Variants in MACROD2 observed in about 807,000 individuals in gnomAD.
MACROD2 encodes the protein mono-ADP ribosylhydrolase 2.
In MACROD2, 36 loss-of-function variants were observed where a neutral mutation model predicts 70.4. That is an observed-to-expected ratio of 0.51 (90% CI 0.39 to 0.68). MACROD2 has a LOEUF of 0.68. MACROD2 is among the 30% of genes least tolerant of loss of function. MACROD2 has a pLI of 0.00. For missense variants in MACROD2, 496 were observed against 538.4 expected (o/e 0.92, Z 0.78); for synonymous variants, 172 against 178.8 (o/e 0.96, Z 0.30).
intron 8 of MACROD2, among the ~76,000 whole-genome samples, chr20:15,643,554 T>TTGTC (rs1356972422): frequency 1.3e-5 from 2 of 152,144 alleles, no homozygotes; most frequent in Non-Finnish European, 2.9e-5. Flanking sequence ...TATGGTTTGT[T>TTGTC]TGTGGTCTGA....
intron 3 of MACROD2, among the ~76,000 whole-genome samples, chr20:14,307,495 A>G (rs976555024): frequency 1.4e-4 from 21 of 152,272 alleles, no homozygotes; most frequent in African/African-American, 4.8e-4. Context: ...TTGAGAAACT[A>G]TTGCTTTGGG....
At chr20:15,800,479 A>G (rs1383926001) in intron 8 of MACROD2, among the ~76,000 whole-genome samples, 1 of 152,178 alleles carries the variant, frequency 6.6e-6, no homozygotes, top group Non-Finnish European at 1.5e-5. Context: ...ATAAAGGTCT[A>G]GTTTTATTCC....
chr20:14,046,088 T>C (rs1316238988), intron 2 of MACROD2, among the ~76,000 whole-genome samples: 2 of 152,194 alleles, frequency 1.3e-5, no homozygotes, highest in East Asian at 3.9e-4. Context: ...AATGAGAAAT[T>C]CCCAAAATTA....
At chr20:14,418,036 G>T (rs906991435) in intron 3 of MACROD2, among the ~76,000 whole-genome samples, 2 of 152,004 alleles carry the variant, frequency 1.3e-5, no homozygotes, top group Non-Finnish European at 2.9e-5. Context: ...ACTTGAGTCA[G>T]CCTCTTAACT....
chr20:15,470,843 A>C (rs2046955238), intron 7 of MACROD2, among the ~76,000 whole-genome samples: 1 of 152,066 alleles, frequency 6.6e-6, no homozygotes, highest in African/African-American at 2.4e-5. Flanking sequence ...TGTGATTCTG[A>C]ACATAGAACT....
chr20:14,350,082 G>A (rs930134540), intron 3 of MACROD2, among the ~76,000 whole-genome samples: 1 of 151,930 alleles, frequency 6.6e-6, no homozygotes, highest in Non-Finnish European at 1.5e-5. Context: ...TGGCTGCATA[G>A]TACTCCATTG....
chr20:14,473,659 A>T (rs537329800), intron 3 of MACROD2, among the ~76,000 whole-genome samples: 1 of 152,320 alleles, frequency 6.6e-6, no homozygotes, highest in Admixed American at 6.5e-5. Context: ...CTTTGGATAG[A>T]TACCTAGAAG....
At chr20:14,770,619 C>A (rs1159612583) in intron 5 of MACROD2, among the ~76,000 whole-genome samples, 1 of 152,002 alleles carries the variant, frequency 6.6e-6, no homozygotes, top group East Asian at 1.9e-4. Flanking sequence ...GTCTGTATCA[C>A]AAAATAATAG....
intron 5 of MACROD2, among the ~76,000 whole-genome samples, chr20:14,745,954 C>T (rs1288735622): frequency 1.3e-5 from 2 of 152,128 alleles, no homozygotes; most frequent in African/African-American, 4.8e-5. Flanking sequence ...GTATATTAAT[C>T]TCTAGGGCTC....
At chr20:15,187,205 G>A (rs895740757) in intron 5 of MACROD2, among the ~76,000 whole-genome samples, 47 of 152,140 alleles carry the variant, frequency 3.1e-4, no homozygotes, top group African/African-American at 1.1e-3. Flanking sequence ...TTTACTGACT[G>A]TGTGACTTTA....
At chr20:14,485,215 C>T (rs1382826531) in intron 3 of MACROD2, among the ~76,000 whole-genome samples, 2 of 152,072 alleles carry the variant, frequency 1.3e-5, no homozygotes, top group Non-Finnish European at 2.9e-5. Flanking sequence ...TTATCTCTAA[C>T]AGCAAAACTG....
rs527791759 is a variant in MACROD2 at position 14,616,747 on chromosome 20, C to T, written c.302-68096C>T. On this transcript the variant is annotated intron_variant, in intron 4 of 17. Transcript: ENST00000684519. ...CTGTCACAAAAATGAGATGGATGAA[C>T]TGATCATCCCATAATTTTTCATTAT... 3.3e-5 allele frequency among the ~76,000 whole-genome samples: 5 copies of T among 152,166 alleles called. No individual in the cohort carries two copies. The South Asian group carries it at 1.0e-3, about 32-fold the overall frequency.
At chr20:15,795,278 A>G (rs921783188) in intron 8 of MACROD2, among the ~76,000 whole-genome samples, 1 of 152,118 alleles carries the variant, frequency 6.6e-6, no homozygotes, top group African/African-American at 2.4e-5. Flanking sequence ...ACAGGTTACT[A>G]TAAGTCATAA....
intron 3 of MACROD2, among the ~76,000 whole-genome samples, chr20:14,409,791 T>C (rs1011209607): frequency 1.3e-5 from 2 of 152,108 alleles, no homozygotes; most frequent in Non-Finnish European, 2.9e-5. Context: ...GGAGAGCGCA[T>C]TGATACAAGA....
intron 8 of MACROD2, among the ~76,000 whole-genome samples, chr20:15,616,258 G>A (rs1181660170): frequency 6.6e-6 from 1 of 151,540 alleles, no homozygotes; most frequent in African/African-American, 2.4e-5. Flanking sequence ...TGTATGCCAC[G>A]ACACCCAGCT....
At chr20:15,651,752 C>T (rs1417901296) in intron 8 of MACROD2, among the ~76,000 whole-genome samples, 1 of 152,092 alleles carries the variant, frequency 6.6e-6, no homozygotes, top group Non-Finnish European at 1.5e-5. Context: ...TGTGCTCACC[C>T]CCATGTGGCC....
chr20:14,852,592 G>T (rs545815799), intron 5 of MACROD2, among the ~76,000 whole-genome samples: 1 of 152,188 alleles, frequency 6.6e-6, no homozygotes, highest in South Asian at 2.1e-4. Context: ...GGCCCCTTAG[G>T]TGGCTCTGTG....
intron 5 of MACROD2, among the ~76,000 whole-genome samples, chr20:15,096,808 A>ATTTTTTT (rs11479076): frequency 1.1e-5 from 1 of 93,662 alleles, no homozygotes; most frequent in African/African-American, 4.6e-5. Flanking sequence ...CACTATGCTA[A>ATTTTTTT]TTTTTTTTTT....
At chr20:14,250,423 A>C (rs1430510955) in intron 3 of MACROD2, among the ~76,000 whole-genome samples, 1 of 152,044 alleles carries the variant, frequency 6.6e-6, no homozygotes, top group Non-Finnish European at 1.5e-5. Context: ...TTTGACTTTC[A>C]TTTTCTAAGA....
Sources: allele counts gnomAD v4.1 joint callset (sites outside exome capture counted in the v4.1 genomes callset), GRCh38; gene constraint gnomAD v4.1.1; transcripts MANE v1.5; gene names NCBI Gene and HGNC (gene_info 2026-07-23, HGNC 2026-07-21).